Variants in ASIC2 observed in about 807,000 individuals in gnomAD.
ASIC2 encodes acid sensing ion channel subunit 2.
Under a neutral mutation model 57.3 loss-of-function variants are expected in ASIC2, and 25 were observed. The ratio of observed to expected loss-of-function variants is 0.44; its 90% CI spans 0.32 to 0.61. The LOEUF is 0.61. Ranked by LOEUF, ASIC2 falls within the 20% of genes least tolerant of loss-of-function variation. The pLI is 0.06. For missense variants in ASIC2, 641 were observed against 738.1 expected (o/e 0.87, Z 1.52); for synonymous variants, 319 against 307.5 (o/e 1.04, Z -0.39).
At chr17:33,402,288 A>T (rs1910312428) in intron 1 of ASIC2, among the ~76,000 whole-genome samples, 1 of 151,740 alleles carries the variant, frequency 6.6e-6, no homozygotes, top group South Asian at 2.1e-4. Context: ...TGTTTATTTT[A>T]TTTTATTTTT....
intron 2 of ASIC2, among the ~76,000 whole-genome samples, chr17:33,108,714 G>A (rs1025699568): frequency 2.0e-5 from 3 of 152,182 alleles, no homozygotes; most frequent in African/African-American, 4.8e-5. Flanking sequence ...CCTGAAGAAA[G>A]GTACGATGGA....
intron 3 of ASIC2, among the ~76,000 whole-genome samples, chr17:33,058,864 G>T (rs1238470671): frequency 6.6e-6 from 1 of 152,076 alleles, no homozygotes; most frequent in Non-Finnish European, 1.5e-5. Context: ...ATTTATAATA[G>T]CAAAAACAGA....
chr17:33,587,241 G>A (rs1904669747), intron 1 of ASIC2, among the ~76,000 whole-genome samples: 1 of 152,196 alleles, frequency 6.6e-6, no homozygotes, highest in South Asian at 2.1e-4. Flanking sequence ...ATCCTTTACA[G>A]AAAATGTTTG....
rs138351635 is a variant in ASIC2 at position 33,028,281 on chromosome 17, T to C, written c.1099A>G (p.Ile367Val). Residue 367 changes from isoleucine (I) to valine (V), a missense_variant, in exon 4 of 10, where the codon ATT (isoleucine) becomes GTT (valine). Ile to Val is a conservative substitution (Grantham distance 29). This residue lies in a region of ASIC2 where 252 missense variants were observed against 319.8 expected (regional missense o/e 0.79). Transcript: ENST00000225823. ...ACRIDCETRY[I>V]VENCNCRMVH... ...ATGCGGCAGTTGCAGTTTTCCACAA[T>C]GTAGCGGGTCTCACAGTCAATCCTA... 482 of 1,614,030 alleles carry C rather than the reference T, an allele frequency of 3.0e-4. 2 individuals are homozygous for C. Among genetic ancestry groups the C allele is most frequent in the Non-Finnish European group, 3.9e-4 (460 of 1,180,042 alleles).
At chr17:33,168,186 C>T (rs754863655) in intron 1 of ASIC2, among the ~76,000 whole-genome samples, 5 of 152,196 alleles carry the variant, frequency 3.3e-5, no homozygotes, top group African/African-American at 2.4e-5. Flanking sequence ...TTACCAGCCT[C>T]AGAACTGGGA....
At chr17:33,147,556 T>C (rs1014000834) in intron 1 of ASIC2, among the ~76,000 whole-genome samples, 2 of 152,208 alleles carry the variant, frequency 1.3e-5, no homozygotes, top group African/African-American at 4.8e-5. Flanking sequence ...TCTTTTTTTT[T>C]TCTTACATTT....
In ASIC2 at chr17:33,436,850, C is replaced by CTTTTTTTTTTTTTTT. The variant is rs1244300127; in HGVS notation, c.556-324784_556-324783insAAAAAAAAAAAAAAA. ...TGCAATGCCTTAAAACACATTCCAA[C>CTTTTTTTTTTTTTTT]TTCTTTTTTTTTTTTTTTTTTTTTT... On this transcript the variant is annotated intron_variant, in intron 1 of 9. Transcript: ENST00000359872. Among the ~76,000 whole-genome samples the CTTTTTTTTTTTTTTT allele has an allele frequency of 5.3e-5, 4 of 76,038 alleles. 1 individual carries two copies. Among genetic ancestry groups the CTTTTTTTTTTTTTTT allele is most frequent in the Non-Finnish European group, 2.7e-5 (1 of 36,466 alleles). 49.9% of individuals were successfully genotyped at this position (76,038 alleles called of 152,430 possible).
intron 1 of ASIC2, among the ~76,000 whole-genome samples, chr17:33,242,057 G>A (rs968979136): frequency 7.2e-5 from 11 of 152,192 alleles, no homozygotes; most frequent in African/African-American, 2.7e-4. Context: ...AGTGGCTCAC[G>A]CCTGTAATCC....
At chr17:33,803,504 T>C (rs1354822867) in intron 1 of ASIC2, among the ~76,000 whole-genome samples, 1 of 151,658 alleles carries the variant, frequency 6.6e-6, no homozygotes, top group African/African-American at 2.4e-5. Flanking sequence ...ATGCGGTGGA[T>C]ACCTAATGTT....
At chr17:33,575,107 A>G (rs550521842) in intron 1 of ASIC2, among the ~76,000 whole-genome samples, 3 of 152,156 alleles carry the variant, frequency 2.0e-5, no homozygotes, top group Non-Finnish European at 4.4e-5. Flanking sequence ...GTCTCCTCAC[A>G]TGATGATAAA....
chr17:33,594,020 A>G (rs765365971), intron 1 of ASIC2, among the ~76,000 whole-genome samples: 24 of 152,216 alleles, frequency 1.6e-4, no homozygotes, highest in African/African-American at 5.3e-4. Flanking sequence ...CCAAGTCCCA[A>G]TGTCCCATCT....
intron 1 of ASIC2, among the ~76,000 whole-genome samples, chr17:33,640,545 G>T (rs1906529240): frequency 6.6e-6 from 1 of 152,180 alleles, no homozygotes; most frequent in African/African-American, 2.4e-5. Context: ...GAGTCCAGAA[G>T]AAGAACTCAA....
intron 1 of ASIC2, among the ~76,000 whole-genome samples, chr17:33,754,261 T>TG (rs962635974): frequency 2.0e-5 from 3 of 151,742 alleles, no homozygotes; most frequent in Non-Finnish European, 4.4e-5. Context: ...GGGATGATGG[T>TG]GGGGGGAGGG....
chr17:33,085,463 T>C (rs1405865906), intron 3 of ASIC2, among the ~76,000 whole-genome samples: 1 of 152,250 alleles, frequency 6.6e-6, no homozygotes, highest in Admixed American at 6.5e-5. Context: ...TGGATAGATT[T>C]GCATACTCAC....
At chr17:33,433,371 G>A (rs1911485439) in intron 1 of ASIC2, among the ~76,000 whole-genome samples, 1 of 152,232 alleles carries the variant, frequency 6.6e-6, no homozygotes. Flanking sequence ...GACACACAGA[G>A]GTGAACGCTA....
intron 1 of ASIC2, among the ~76,000 whole-genome samples, chr17:33,905,141 CTTTTT>C (rs57064859): frequency 4.6e-5 from 4 of 87,856 alleles, no homozygotes; most frequent in East Asian, 4.0e-4. Flanking sequence ...TAGTTTAAGG[CTTTTT>C]TTTTTTTTTT....
chr17:33,334,476 G>A (rs941921937), intron 1 of ASIC2, among the ~76,000 whole-genome samples: 31 of 152,164 alleles, frequency 2.0e-4, no homozygotes, highest in African/African-American at 7.5e-4. Context: ...AGAAAACTTT[G>A]CTGTTGAACT....
intron 1 of ASIC2, chr17:34,036,576 T>G (rs1907887598): frequency 1.3e-5 from 2 of 150,850 alleles, no homozygotes; most frequent in East Asian, 3.9e-4. Context: ...GCACCATCCA[T>G]GCAAATTTTA....
chr17:33,116,354 G>A (rs564982907), intron 1 of ASIC2, among the ~76,000 whole-genome samples: 3 of 152,322 alleles, frequency 2.0e-5, no homozygotes, highest in Admixed American at 2.0e-4. Context: ...GCACCATGAC[G>A]TGTAAGAACA....
Sources: gnomAD v4.1 joint callset for allele counts (sites outside exome capture counted in the v4.1 genomes callset) on GRCh38, gnomAD v4.1.1 for gene constraint, gnomAD v4.1.1 regional missense constraint, MANE v1.5 for transcripts, NCBI Gene and HGNC (gene_info 2026-07-23, HGNC 2026-07-21) for gene names.